The following RXFP1 variants were observed in gnomAD, a reference collection of about 807,000 sequenced individuals.
RXFP1 encodes relaxin family peptide receptor 1.
RXFP1 carries 73 observed loss-of-function variants against 89.8 expected under a neutral mutation model. The ratio of observed to expected loss-of-function variants is 0.81; its 90% CI spans 0.67 to 0.99. The LOEUF is 0.99. Ranked by LOEUF, RXFP1 falls within the 50% of genes least tolerant of loss-of-function variation. The pLI, the probability that RXFP1 is intolerant of heterozygous loss-of-function variation, is 0.00. For synonymous variants in RXFP1, 277 were observed against 305.5 expected (o/e 0.91, Z 0.97); for missense variants, 793 against 895.5 (o/e 0.89, Z 1.46).
chr4:158,562,253 TCA>T (rs1250815648), intron 1 of RXFP1, among the ~76,000 whole-genome samples: 2 of 152,130 alleles, frequency 1.3e-5, no homozygotes, highest in Non-Finnish European at 2.9e-5. Flanking sequence ...CTAAAATTTA[TCA>T]CAGTTTAAAA....
chr4:158,642,567 C>T (rs1327617456), intron 14 of RXFP1, among the ~76,000 whole-genome samples: 5 of 152,170 alleles, frequency 3.3e-5, no homozygotes, highest in African/African-American at 1.2e-4. Context: ...GCTTATTCCA[C>T]TTAATGTAAT....
intron 1 of RXFP1, among the ~76,000 whole-genome samples, chr4:158,564,021 A>G (rs1753053170): frequency 6.6e-6 from 1 of 151,082 alleles, no homozygotes; most frequent in Non-Finnish European, 1.5e-5. Flanking sequence ...ATAAAAGCAC[A>G]ATTACTTTAA....
intron 8 of RXFP1, among the ~76,000 whole-genome samples, chr4:158,615,781 C>CA (rs534617957): frequency 0.018 from 2,574 of 145,350 alleles, 82 homozygotes; most frequent in African/African-American, 0.059. Context: ...CCATCTCTAC[C>CA]AAAAAAAAAA....
intron 14 of RXFP1, among the ~76,000 whole-genome samples, chr4:158,643,064 C>T (rs1770694277): frequency 6.6e-6 from 1 of 152,170 alleles, no homozygotes; most frequent in African/African-American, 2.4e-5. Context: ...CAGATGGGTT[C>T]TCTACCTGTT....
chr4:158,623,502 C>CA (rs56692438), intron 9 of RXFP1, among the ~76,000 whole-genome samples: 5,625 of 42,456 alleles, frequency 0.13, 916 homozygotes, highest in Non-Finnish European at 0.2. Context: ...AACTCCATCT[C>CA]AAAAAAAAAA....
intron 2 of RXFP1, among the ~76,000 whole-genome samples, chr4:158,577,579 C>T (rs1381878582): frequency 3.9e-5 from 6 of 151,978 alleles, no homozygotes; most frequent in African/African-American, 1.4e-4. Context: ...AGAGTTTTTT[C>T]TTAATTAGAC....
At chr4:158,604,080 G>A (rs1762167533) in intron 4 of RXFP1, among the ~76,000 whole-genome samples, 1 of 151,730 alleles carries the variant, frequency 6.6e-6, no homozygotes, top group African/African-American at 2.4e-5. Context: ...TTCCAAAAAT[G>A]TGTTCCAAAG....
At chr4:158,560,683 G>GT (rs1468566415) in intron 1 of RXFP1, among the ~76,000 whole-genome samples, 3 of 152,120 alleles carry the variant, frequency 2.0e-5, no homozygotes, top group Non-Finnish European at 4.4e-5. Context: ...TTGCCAGCAC[G>GT]TGTGTTGCCT....
chr4:158,619,447 G>C (rs140580285), intron 9 of RXFP1, among the ~76,000 whole-genome samples: 5 of 152,306 alleles, frequency 3.3e-5, no homozygotes, highest in Middle Eastern at 3.4e-3. Context: ...TGAAGAGTTG[G>C]CTGGCGTGAA....
At chr4:158,642,198 G>C (rs1015807430) in intron 14 of RXFP1, among the ~76,000 whole-genome samples, 1 of 151,838 alleles carries the variant, frequency 6.6e-6, no homozygotes. Flanking sequence ...CTTCATGGGG[G>C]TACATAGTGA....
At chr4:158,622,670 A>G (rs1438109210) in intron 9 of RXFP1, among the ~76,000 whole-genome samples, 8 of 152,174 alleles carry the variant, frequency 5.3e-5, no homozygotes, top group Non-Finnish European at 1.0e-4. Context: ...TTTAAGTTGA[A>G]CACATAGAAA....
intron 1 of RXFP1, among the ~76,000 whole-genome samples, chr4:158,568,720 C>G (rs1023999341): frequency 6.6e-6 from 1 of 152,108 alleles, no homozygotes; most frequent in Non-Finnish European, 1.5e-5. Flanking sequence ...TGACTATGTC[C>G]TTCATCAAAC....
At chr4:158,600,768 A>G (rs1182471797) in intron 4 of RXFP1, among the ~76,000 whole-genome samples, 1 of 152,004 alleles carries the variant, frequency 6.6e-6, no homozygotes, top group Non-Finnish European at 1.5e-5. Flanking sequence ...TCAAGGCTGC[A>G]GTGAGCTATG....
chr4:158,617,492 A>G (rs1046491605), intron 9 of RXFP1, among the ~76,000 whole-genome samples: 1 of 151,606 alleles, frequency 6.6e-6, no homozygotes, highest in African/African-American at 2.4e-5. Context: ...CACCACATCT[A>G]TGTAACATCT....
chr4:158,648,796 C>A (rs985582353), intron 17 of RXFP1, 79 bp downstream of exon 17: 9 of 867,468 alleles, frequency 1.0e-5, no homozygotes, highest in Non-Finnish European at 1.6e-5. Context: ...AATTAAAATT[C>A]TTAACACTAA....
intron 2 of RXFP1, among the ~76,000 whole-genome samples, chr4:158,589,255 A>G (rs1758909314): frequency 6.6e-6 from 1 of 152,184 alleles, no homozygotes; most frequent in Non-Finnish European, 1.5e-5. Flanking sequence ...AGTGGGTATT[A>G]TTACAATTCA....
intron 1 of RXFP1, among the ~76,000 whole-genome samples, chr4:158,558,495 T>C (rs1751788637): frequency 6.6e-6 from 1 of 152,226 alleles, no homozygotes; most frequent in South Asian, 2.1e-4. Context: ...TTAATATAAA[T>C]ATATGTTTGG....
At chr4:158,521,715 TGC>T, upstream of RXFP1, 1 of 408,444 alleles carries the variant, frequency 2.4e-6, no homozygotes, top group Non-Finnish European at 4.4e-6. Context: ...CGCGCACGCG[TGC>T]GTGTGTGTAA....
At chr4:158,591,518 G>A (rs1196469458) in intron 2 of RXFP1, among the ~76,000 whole-genome samples, 1 of 150,794 alleles carries the variant, frequency 6.6e-6, no homozygotes, top group African/African-American at 2.5e-5. Flanking sequence ...CGAGGCCAAA[G>A]CAGGTAGATC....
Sources: allele counts gnomAD v4.1 joint callset (sites outside exome capture counted in the v4.1 genomes callset), GRCh38; gene constraint gnomAD v4.1.1; transcripts MANE v1.5; gene names NCBI Gene and HGNC (gene_info 2026-07-23, HGNC 2026-07-21).